The following RBFOX1 variants were observed in gnomAD, a reference collection of about 807,000 sequenced individuals.
The protein encoded by RBFOX1 is RNA binding fox-1 homolog 1.
RBFOX1 carries 8 observed loss-of-function variants against 57.7 expected under a neutral mutation model. That is an observed-to-expected ratio of 0.14 (90% CI 0.08 to 0.25). The LOEUF is 0.25. RBFOX1 is among the 10% of genes least tolerant of loss of function. The pLI is 1.00. For synonymous variants in RBFOX1, 326 were observed against 222.4 expected, an observed-to-expected ratio of 1.47 and a Z score of -4.15; for missense variants, 611 against 548.5, an observed-to-expected ratio of 1.11 and a Z score of -1.14.
chr16:6,779,536 A>G (rs1369892972), intron 3 of RBFOX1, among the ~76,000 whole-genome samples: 1 of 150,742 alleles, frequency 6.6e-6, no homozygotes, highest in Non-Finnish European at 1.5e-5. Flanking sequence ...TATACCCAAC[A>G]GTGAGACTGC....
chr16:5,738,603 C>T (rs1416630292), intron 3 of RBFOX1, among the ~76,000 whole-genome samples: 1 of 133,344 alleles, frequency 7.5e-6, no homozygotes, highest in African/African-American at 2.8e-5. Context: ...AACTGTACTG[C>T]AGCCTGGGCG....
At chr16:5,676,222 C>T (rs540371042) in intron 3 of RBFOX1, among the ~76,000 whole-genome samples, 1 of 151,168 alleles carries the variant, frequency 6.6e-6, no homozygotes, top group African/African-American at 2.4e-5. Flanking sequence ...CAAACCTGCA[C>T]GTTCTGGTAT....
At chr16:5,980,711 T>G (rs2060154435) in intron 4 of RBFOX1, among the ~76,000 whole-genome samples, 1 of 152,146 alleles carries the variant, frequency 6.6e-6, no homozygotes, top group African/African-American at 2.4e-5. Context: ...CTCTTAGTGC[T>G]TCTGGTGGCC....
intron 2 of RBFOX1, among the ~76,000 whole-genome samples, chr16:6,637,759 G>C (rs1322383359): frequency 6.6e-6 from 1 of 151,692 alleles, no homozygotes; most frequent in East Asian, 1.9e-4. Flanking sequence ...ATCTCTTCAA[G>C]AACACAACAA....
chr16:5,774,937 C>T (rs769787712), intron 3 of RBFOX1, among the ~76,000 whole-genome samples: 1 of 152,114 alleles, frequency 6.6e-6, no homozygotes, highest in Non-Finnish European at 1.5e-5. Context: ...CCCACTTCGG[C>T]CTCCCAAAGT....
At chr16:6,140,368 AT>A (rs1168058903) in intron 1 of RBFOX1, among the ~76,000 whole-genome samples, 3 of 151,420 alleles carry the variant, frequency 2.0e-5, no homozygotes, top group Non-Finnish European at 2.9e-5. Flanking sequence ...ATTTTTTAAT[AT>A]TTTTTTTGTA....
intron 2 of RBFOX1, among the ~76,000 whole-genome samples, chr16:6,572,113 A>G (rs2097353046): frequency 2.0e-5 from 3 of 152,150 alleles, no homozygotes; most frequent in Admixed American, 2.0e-4. Context: ...GGGTCTCTTT[A>G]TGTATTAGAA....
chr16:6,920,073 T>C (rs1199353040), intron 3 of RBFOX1, among the ~76,000 whole-genome samples: 2 of 152,192 alleles, frequency 1.3e-5, no homozygotes, highest in African/African-American at 4.8e-5. Flanking sequence ...CTTAGAATAA[T>C]GGCATCCAAC....
intron 3 of RBFOX1, among the ~76,000 whole-genome samples, chr16:5,837,119 C>A (rs1050633870): frequency 1.3e-5 from 2 of 152,108 alleles, no homozygotes; most frequent in African/African-American, 4.8e-5. Flanking sequence ...TCCCAACCCT[C>A]AGTCTCTCCT....
At position 5,575,572 on chromosome 16, in the gene RBFOX1, G is replaced by A. The variant is rs530609645; in HGVS notation, c.259-23330G>A. The stretch of plus-strand genomic sequence containing the variant: ...GCATCTACTCCTACCTGACGGAAGT[G>A]AACACACATCCCATGCCAGCCAGGG... On this transcript the variant is annotated intron_variant, in intron 2 of 2. Coordinates refer to the RBFOX1 transcript ENST00000585867. 7.9e-5 allele frequency among the ~76,000 whole-genome samples: 12 copies of A among 152,310 alleles called. No homozygotes were observed. The East Asian group carries it at 2.1e-3, about 27-fold the overall frequency.
At chr16:6,656,078 T>C (rs2098648997) in intron 3 of RBFOX1, among the ~76,000 whole-genome samples, 2 of 152,170 alleles carry the variant, frequency 1.3e-5, no homozygotes, top group African/African-American at 4.8e-5. Flanking sequence ...GCATTCACCA[T>C]GTGTTTGCAT....
At chr16:6,133,053 T>C (rs956867552) in intron 1 of RBFOX1, among the ~76,000 whole-genome samples, 49 of 146,618 alleles carry the variant, frequency 3.3e-4, no homozygotes, top group African/African-American at 1.2e-3. Context: ...TTTTTTTTTC[T>C]GAGAGACTGC....
At chr16:6,058,992 C>T (rs1037236881) in intron 1 of RBFOX1, among the ~76,000 whole-genome samples, 9 of 152,136 alleles carry the variant, frequency 5.9e-5, no homozygotes, top group Non-Finnish European at 1.0e-4. Flanking sequence ...AGCTGGAAAA[C>T]CAAGAAAAAT....
intron 5 of RBFOX1, among the ~76,000 whole-genome samples, chr16:7,572,582 G>A (rs528867088): frequency 3.4e-4 from 52 of 152,308 alleles, no homozygotes; most frequent in African/African-American, 1.2e-3. Flanking sequence ...GCTCACGCCT[G>A]TAATCCCAGC....
At chr16:6,731,357 T>C (rs1419196853) in intron 3 of RBFOX1, among the ~76,000 whole-genome samples, 1 of 152,154 alleles carries the variant, frequency 6.6e-6, no homozygotes, top group Non-Finnish European at 1.5e-5. Flanking sequence ...CGTTGATGTC[T>C]AGGGCACGAC....
rs116718657 is a variant in RBFOX1, at chr16:5,320,997, C to A, written c.219+80892C>A. ...GGGCTCTTCTGTCTATAGTCAGATG[C>A]TTTTATTTCCACGTGTTGCTGCTGC... On this transcript the variant is annotated intron_variant, in intron 1 of 2. Transcript: ENST00000585867. Among the ~76,000 whole-genome samples, 171 of 152,298 alleles carry A rather than the reference C, an allele frequency of 1.1e-3. 1 individual carries two copies. The highest frequency in any genetic ancestry group is 3.0e-3 in the African/African-American group (123 of 41,572).
At chr16:6,950,017 G>A (rs572567755) in intron 3 of RBFOX1, among the ~76,000 whole-genome samples, 1 of 151,580 alleles carries the variant, frequency 6.6e-6, no homozygotes, top group East Asian at 1.9e-4. Flanking sequence ...TGTGTTCTCG[G>A]CTCGCTGCAA....
chr16:5,800,051 A>G (rs549593430), intron 3 of RBFOX1, among the ~76,000 whole-genome samples: 1 of 152,132 alleles, frequency 6.6e-6, no homozygotes, highest in South Asian at 2.1e-4. Context: ...TTTTATATAT[A>G]TATGTATAAG....
intron 3 of RBFOX1, among the ~76,000 whole-genome samples, chr16:5,827,956 C>G (rs142588740): frequency 0.011 from 1,598 of 140,000 alleles, 18 homozygotes; most frequent in Non-Finnish European, 0.018. Flanking sequence ...CACCCACCCA[C>G]CTATCCATGC....
Sources: gnomAD v4.1 joint callset for allele counts (sites outside exome capture counted in the v4.1 genomes callset) on GRCh38, gnomAD v4.1.1 for gene constraint, MANE v1.5 for transcripts, NCBI Gene and HGNC (gene_info 2026-07-23, HGNC 2026-07-21) for gene names.